The following SLC12A3 variants were observed in gnomAD, a reference collection of about 807,000 sequenced individuals.
SLC12A3 encodes solute carrier family 12 member 3, also known as Na-Cl cotransporter.
A neutral mutation model predicts 121.0 loss-of-function variants in SLC12A3; 104 were observed. The ratio of observed to expected loss-of-function variants is 0.86; its 90% CI spans 0.73 to 1.01. The LOEUF (loss-of-function observed/expected upper bound fraction) is 1.01, where lower values mean the gene tolerates loss of function less well. Ranked by LOEUF, SLC12A3 falls within the 50% of genes least tolerant of loss-of-function variation. SLC12A3 has a pLI of 0.00. For synonymous variants in SLC12A3, 536 were observed against 533.4 expected, an observed-to-expected ratio of 1.00 and a Z score of -0.07; for missense variants, 1,328 against 1,356.3, an observed-to-expected ratio of 0.98 and a Z score of 0.33.
rs35892116 is a variant in SLC12A3 at position 56,894,436 on chromosome 16, A to G, written c.2522-95A>G. ...TCGACTGGGGTCCAGCGAGGAGAGG[A>G]AGGGGTTTGCTAATGGCAGAGCGGG... On this transcript the variant is annotated intron_variant, in intron 21 of 25. Coordinates refer to ENST00000563236, the MANE Select transcript of SLC12A3 (RefSeq NM_001126108.2). 1,665 of 838,122 alleles carry G rather than the reference A, an allele frequency of 2.0e-3. 18 individuals are homozygous for G. The African/African-American group carries it at 0.024, about 12-fold the overall frequency. 51.9% of individuals were successfully genotyped at this position (838,122 alleles called of 1,614,324 possible).
chr16:56,899,446 A>G (rs2055507968), intron 22 of SLC12A3, 84 bp from the exon 23 acceptor site: 5 of 1,017,446 alleles, frequency 4.9e-6, no homozygotes, highest in Admixed American at 3.4e-5. Context: ...TCGAGATTGC[A>G]CCACTGCACT....
At chr16:56,885,858 ATTAC>A (rs1218515859) in intron 15 of SLC12A3, among the ~76,000 whole-genome samples, 1 of 152,190 alleles carries the variant, frequency 6.6e-6, no homozygotes, top group Non-Finnish European at 1.5e-5. Flanking sequence ...GGTCCAGGAA[ATTAC>A]TAACCCAGTC....
chr16:56,890,623 A>G (rs1373124944), intron 19 of SLC12A3, among the ~76,000 whole-genome samples: 1 of 152,150 alleles, frequency 6.6e-6, no homozygotes, highest in African/African-American at 2.4e-5. Flanking sequence ...TATAGGCCGG[A>G]CATGGTGGCT....
rs1402444800 is a variant in SLC12A3, at chr16:56,884,058, C to A, written c.1679C>A (p.Pro560His). ...ASITNSPGWR[P>H]SFQYYNKWAA... ...GGTGCCCTTGGCCCAGGGTGGAGAC[C>A]TTCATTCCAATACTACAACAAGTGG... The change falls in exon 14 of 26, where the codon CCT becomes CAT. Residue 560 changes from proline to histidine, a missense_variant. Coordinates refer to ENST00000563236, the MANE Select transcript of SLC12A3 (RefSeq NM_001126108.2). 4.3e-6 allele frequency: 7 copies of A among 1,614,184 alleles called. No homozygotes were observed. Among genetic ancestry groups the A allele is most frequent in the Non-Finnish European group, 5.9e-6 (7 of 1,180,018 alleles).
intron 6 of SLC12A3, among the ~76,000 whole-genome samples, 161 bp downstream of exon 6, chr16:56,870,897 C>A (rs541908310): frequency 6.6e-6 from 1 of 151,382 alleles, no homozygotes; most frequent in Non-Finnish European, 1.5e-5. Context: ...TGCAGTGGTA[C>A]CATCTCGGCT....
rs1375654255 is a variant in SLC12A3 at position 56,879,585 on chromosome 16, G to T, written c.1379G>T (p.Gly460Val). The T allele has an allele frequency of 6.2e-7, 1 of 1,613,758 alleles. No homozygotes were observed. Among genetic ancestry groups the T allele is most frequent in the South Asian group, 1.1e-5 (1 of 91,078 alleles). The change falls in exon 11 of 26, where the codon GGC becomes GTC. Residue 460 changes from glycine (G) to valine (V), a missense_variant. Physicochemically the swap from Gly to Val is moderately radical, Grantham distance 109. Transcript: ENST00000563236. ...GGCTTCGCGCCCCTGATCACGGCTG[G>T]CATCTTCGGGGCCACCCTCTCCTCT... is the stretch of plus-strand genomic sequence containing the variant. ...VSGFAPLITA[G>V]IFGATLSSAL... is the part of the protein sequence containing the mutation.
At chr16:56,910,200 A>G (rs530511029) in intron 25 of SLC12A3, among the ~76,000 whole-genome samples, 26 of 152,274 alleles carry the variant, frequency 1.7e-4, no homozygotes, top group Non-Finnish European at 2.8e-4. Context: ...TTAAGAGAGC[A>G]TCTCACTCTG....
Position 56,868,335 on chromosome 16 carries a change from C to T in SLC12A3, c.468C>T (p.Tyr156=). The change falls in exon 3 of 26, where the codon TAC becomes TAT. Residue 156 remains tyrosine (Y), a synonymous_variant. Transcript: ENST00000563236. ...CMLNIWGVIL[Y]LRLPWITAQA... is the part of the protein sequence containing the mutation. ...TCAACATTTGGGGCGTGATCCTCTA[C>T]CTGCGGCTGCCCTGGATTACGGCCC... The T allele has an allele frequency of 6.2e-7, 1 of 1,613,952 alleles. No homozygotes were observed. Among genetic ancestry groups the T allele is most frequent in the Non-Finnish European group, 8.5e-7 (1 of 1,179,972 alleles).
intron 17 of SLC12A3, 115 bp downstream of exon 17, chr16:56,887,208 A>G: frequency 4.4e-6 from 6 of 1,371,730 alleles, no homozygotes; most frequent in Admixed American, 2.2e-5. Flanking sequence ...AAGGAGCCCC[A>G]ACTTTTTTTT....
At position 56,885,377 on chromosome 16, in the gene SLC12A3, GCTGGGACCCAC is replaced by G; in HGVS notation, c.1925+23_1925+33del. 1.3e-6 allele frequency: 2 copies of G among 1,515,482 alleles called. No individual in the cohort carries two copies. Among genetic ancestry groups the G allele is most frequent in the South Asian group, 1.2e-5 (1 of 83,332 alleles). The allele number at this position is 1,515,482 out of a possible 1,614,324, so 93.9% of individuals were successfully genotyped here. The stretch of plus-strand genomic sequence containing the variant: ...TCAAGAACTACCGGTGAGCAGAGCT[GCTGGGACCCAC>G]CTGGGACCCCAGGGCCAGTGATGGC... On this transcript the variant is annotated intron_variant, in intron 15 of 25. Transcript: ENST00000563236.
intron 12 of SLC12A3, among the ~76,000 whole-genome samples, chr16:56,881,076 C>T (rs1336942981): frequency 6.6e-6 from 1 of 152,272 alleles, no homozygotes; most frequent in Non-Finnish European, 1.5e-5. Flanking sequence ...ACACCAAGCA[C>T]GGGCAGTGGC....
intron 20 of SLC12A3, 93 bp from the exon 21 acceptor site, chr16:56,892,860 C>A (rs1567441600): frequency 1.0e-6 from 1 of 972,798 alleles, no homozygotes; most frequent in Non-Finnish European, 1.6e-6. Context: ...AACCCGTGTT[C>A]AACATCAGAA....
chr16:56,897,297 C>G (rs1362379417), intron 22 of SLC12A3, among the ~76,000 whole-genome samples: 1 of 152,050 alleles, frequency 6.6e-6, no homozygotes, highest in Middle Eastern at 3.2e-3. Flanking sequence ...GGCAGTTTGC[C>G]CAAAGTCATC....
chr16:56,878,775 C>T (rs1019128873), intron 9 of SLC12A3, among the ~76,000 whole-genome samples: 3 of 152,114 alleles, frequency 2.0e-5, no homozygotes, highest in African/African-American at 4.8e-5. Flanking sequence ...CACAGCCACT[C>T]GAGGCTTGAG....
intron 18 of SLC12A3, among the ~76,000 whole-genome samples, chr16:56,888,759 C>T (rs996380048): frequency 7.9e-5 from 12 of 151,784 alleles, no homozygotes; most frequent in African/African-American, 2.7e-4. Context: ...GGGGTTTCAC[C>T]GTGTTAGCCA....
chr16:56,870,775 A>T (rs764079602), intron 6 of SLC12A3, 39 bp downstream of exon 6: 1 of 1,327,808 alleles, frequency 7.5e-7, no homozygotes, highest in Non-Finnish European at 1.1e-6. Context: ...GGAGGTGGTC[A>T]CGTGGAGAAG....
At chr16:56,885,476 C>T in intron 15 of SLC12A3, 112 bp downstream of exon 15, 1 of 744,028 alleles carries the variant, frequency 1.3e-6, no homozygotes, top group Non-Finnish European at 2.4e-6. Context: ...AGGGTATGTG[C>T]AGCCTCCACT....
chr16:56,909,314 A>G (rs2055652133), intron 25 of SLC12A3, among the ~76,000 whole-genome samples: 1 of 133,792 alleles, frequency 7.5e-6, no homozygotes, highest in Admixed American at 7.1e-5. Context: ...AAAAAAAGAA[A>G]GCAAAAAAAA....
At chr16:56,887,798 A>ATCTTT (rs1433682477) in intron 17 of SLC12A3, 127 bp from the exon 18 acceptor site, 1 of 68,456 alleles carries the variant, frequency 1.5e-5, no homozygotes, top group African/African-American at 5.7e-5. Flanking sequence ...ATATATATAT[A>ATCTTT]TTTTTTTTTT....
Sources: allele counts gnomAD v4.1 joint callset (sites outside exome capture counted in the v4.1 genomes callset), GRCh38; gene constraint gnomAD v4.1.1; transcripts MANE v1.5; gene names NCBI Gene and HGNC (gene_info 2026-07-23, HGNC 2026-07-21).